LRRC4C: variants seen among roughly 807,000 people sequenced by gnomAD.
LRRC4C encodes the protein leucine-rich repeat-containing protein 4C.
In LRRC4C, 5 loss-of-function variants were observed where a neutral mutation model predicts 33.6. The ratio of observed to expected loss-of-function variants is 0.15; its 90% CI spans 0.08 to 0.31. LRRC4C has a LOEUF of 0.31. LRRC4C is among the 10% of genes least tolerant of loss of function. The pLI, the probability that LRRC4C is intolerant of heterozygous loss-of-function variation, is 1.00. For missense variants in LRRC4C, 560 were observed against 796.7 expected (o/e 0.70, Z 3.58); for synonymous variants, 329 against 302.0 (o/e 1.09, Z -0.93).
intron 3 of LRRC4C, among the ~76,000 whole-genome samples, chr11:40,480,267 AGTTTTTT>A (rs1953477871): frequency 6.6e-6 from 1 of 151,298 alleles, no homozygotes; most frequent in African/African-American, 2.4e-5. Context: ...ACACTGTGAA[AGTTTTTT>A]GTTTGCTTGC....
rs564039315 is a variant in LRRC4C, at chr11:41,198,118, CA to C, written c.-496+261312del. On this transcript the variant is annotated intron_variant, in intron 1 of 6. Coordinates refer to ENST00000528697, the MANE Select transcript of LRRC4C (RefSeq NM_001258419.2). ...ATTATTTACTTAGGAGTATCTATGA[CA>C]AAAAATAAAGAACAAACAATTTTTG... Among the ~76,000 whole-genome samples, 20 of 151,826 alleles carry C rather than the reference CA, an allele frequency of 1.3e-4. No individual in the cohort carries two copies. The Middle Eastern group carries it at 0.014, about 103-fold the overall frequency.
At chr11:41,213,947 T>C (rs980626394) in intron 1 of LRRC4C, among the ~76,000 whole-genome samples, 2 of 152,250 alleles carry the variant, frequency 1.3e-5, no homozygotes, top group African/African-American at 2.4e-5. Context: ...CATTCTGCTA[T>C]AAATTTGATT....
chr11:41,256,226 A>T (rs1948794449), intron 1 of LRRC4C, among the ~76,000 whole-genome samples: 1 of 151,980 alleles, frequency 6.6e-6, no homozygotes, highest in Non-Finnish European at 1.5e-5. Flanking sequence ...ACCCCGGGTG[A>T]TAACATAACC....
At chr11:40,793,997 A>G (rs928899405) in intron 2 of LRRC4C, among the ~76,000 whole-genome samples, 1 of 152,154 alleles carries the variant, frequency 6.6e-6, no homozygotes, top group Non-Finnish European at 1.5e-5. Context: ...GACTTCATAT[A>G]AGCTGACTAG....
chr11:40,491,111 C>T (rs1954128644), intron 3 of LRRC4C, among the ~76,000 whole-genome samples: 1 of 152,038 alleles, frequency 6.6e-6, no homozygotes. Context: ...AGTAAAACCC[C>T]ATCTCTACTA....
rs769575666 is a variant in LRRC4C, at chr11:40,674,736, G to A, written c.-406-26458C>T. 3.9e-5 allele frequency among the ~76,000 whole-genome samples: 6 copies of A among 152,182 alleles called. No homozygotes were observed. In the South Asian group the frequency reaches 8.3e-4, roughly 21 times the overall value. ...AAAATATAATAATAATGATGATTAC[G>A]AGGATGAATAAAATCAAGCCTCATA... is the stretch of plus-strand genomic sequence containing the variant. On this transcript the variant is annotated intron_variant, in intron 2 of 6. Transcript: ENST00000528697.
intron 2 of LRRC4C, among the ~76,000 whole-genome samples, chr11:40,877,451 A>T (rs575733589): frequency 4.0e-4 from 61 of 152,214 alleles, no homozygotes; most frequent in Non-Finnish European, 8.2e-4. Context: ...AGACTCATCA[A>T]CCCGGATTGC....
intron 2 of LRRC4C, among the ~76,000 whole-genome samples, chr11:40,804,671 C>A (rs528008237): frequency 1.3e-5 from 2 of 152,252 alleles, no homozygotes; most frequent in East Asian, 3.9e-4. Context: ...AAATCATAAG[C>A]CAGTTGATTC....
At chr11:40,114,203 G>T (rs1590401182), downstream of LRRC4C, 2 of 732,852 alleles carry the variant, frequency 2.7e-6, no homozygotes, top group Non-Finnish European at 4.1e-6. Context: ...ACATAATTTT[G>T]TCTGCTTTAG....
Position 40,858,649 on chromosome 11 carries a change from G to A in LRRC4C, c.-407+74986C>T, listed in dbSNP as rs547638695. Among the ~76,000 whole-genome samples, 25 of 142,256 alleles carry A rather than the reference G, an allele frequency of 1.8e-4. No homozygotes were observed. In the South Asian group the frequency reaches 4.5e-3, roughly 25 times the overall value. The allele number at this position is 142,256 out of a possible 152,430, so 93.3% of individuals were successfully genotyped here. On this transcript the variant is annotated intron_variant, in intron 2 of 6. Transcript: ENST00000528697. ...CCAGAGGTTGCAGTGAGCCAAGATC[G>A]TGACACTGCACTCCAGCCTGGTAAC...
intron 6 of LRRC4C, among the ~76,000 whole-genome samples, chr11:40,133,093 T>C (rs1207501360): frequency 6.6e-6 from 1 of 152,156 alleles, no homozygotes; most frequent in Non-Finnish European, 1.5e-5. Context: ...GGTAATGCGG[T>C]TAATAGCCTT....
At chr11:40,593,840 T>A (rs1959165370) in intron 3 of LRRC4C, among the ~76,000 whole-genome samples, 1 of 152,202 alleles carries the variant, frequency 6.6e-6, no homozygotes, top group African/African-American at 2.4e-5. Context: ...AAAATGAAAA[T>A]CTTGCAATAT....
At position 40,759,240 on chromosome 11, in the gene LRRC4C, T is replaced by A. The variant is rs964525535; in HGVS notation, c.-406-110962A>T. Reference sequence around the variant, plus strand: ...TCGTCCATATATTATATTATATATATTATGTATGTACTTCTTCCATATATA... The same window carrying A: ...TCGTCCATATATTATATTATATATAATATGTATGTACTTCTTCCATATATA... On this transcript the variant is annotated intron_variant, in intron 2 of 6. Coordinates refer to ENST00000528697, the MANE Select transcript of LRRC4C (RefSeq NM_001258419.2). Among the ~76,000 whole-genome samples the A allele has an allele frequency of 2.0e-5, 3 of 147,594 alleles. No homozygotes were observed. The East Asian group carries it at 5.9e-4, about 29-fold the overall frequency.
intron 3 of LRRC4C, among the ~76,000 whole-genome samples, chr11:40,542,206 CA>C (rs1396944676): frequency 2.0e-5 from 3 of 152,074 alleles, no homozygotes. Flanking sequence ...ATTTATAAAA[CA>C]GAATCATTGT....
At chr11:40,576,502 T>A (rs910297306) in intron 3 of LRRC4C, among the ~76,000 whole-genome samples, 2 of 152,222 alleles carry the variant, frequency 1.3e-5, no homozygotes, top group African/African-American at 4.8e-5. Flanking sequence ...ACTAACTAAC[T>A]GATCCCTGAA....
chr11:41,378,179 G>A (rs774449254), intron 1 of LRRC4C, among the ~76,000 whole-genome samples: 3 of 152,028 alleles, frequency 2.0e-5, no homozygotes, highest in Non-Finnish European at 4.4e-5. Context: ...AAAGAGGTAG[G>A]GCAAGGGGCA....
chr11:41,051,875 A>C (rs1858256362), intron 1 of LRRC4C, among the ~76,000 whole-genome samples: 1 of 152,220 alleles, frequency 6.6e-6, no homozygotes, highest in Admixed American at 6.5e-5. Context: ...GCTAAGAGCA[A>C]ACAAAGAAAG....
At chr11:41,119,582 T>A (rs553959969) in intron 1 of LRRC4C, among the ~76,000 whole-genome samples, 1 of 152,276 alleles carries the variant, frequency 6.6e-6, no homozygotes, top group Non-Finnish European at 1.5e-5. Context: ...CTTTCCAAAG[T>A]TTGAAGAGAT....
chr11:41,354,197 G>C (rs1357008360), intron 1 of LRRC4C, among the ~76,000 whole-genome samples: 2 of 151,862 alleles, frequency 1.3e-5, no homozygotes, highest in African/African-American at 4.8e-5. Context: ...ACAAAAGTAA[G>C]GTATAAAATT....
Sources: allele counts gnomAD v4.1 joint callset (sites outside exome capture counted in the v4.1 genomes callset), GRCh38; gene constraint gnomAD v4.1.1; transcripts MANE v1.5; gene names NCBI Gene and HGNC (gene_info 2026-07-23, HGNC 2026-07-21).